STAU1: variants seen among roughly 807,000 people sequenced by gnomAD.
STAU1 encodes staufen double-stranded RNA binding protein 1, also known as double-stranded RNA-binding protein Staufen homolog 1.
STAU1 carries 13 observed loss-of-function variants against 62.9 expected under a neutral mutation model. That is an observed-to-expected ratio of 0.21 (90% CI 0.13 to 0.33). The LOEUF (loss-of-function observed/expected upper bound fraction) is 0.33, where lower values mean the gene tolerates loss of function less well. Among genes scored for constraint, STAU1 ranks in the 10% least tolerant of loss-of-function variants. STAU1 has a pLI of 1.00. For synonymous variants in STAU1, 269 were observed against 265.1 expected, an observed-to-expected ratio of 1.01 and a Z score of -0.14; for missense variants, 571 against 712.1, an observed-to-expected ratio of 0.80 and a Z score of 2.25.
At chr20:49,175,954 C>T (rs1407243411) in intron 1 of STAU1, among the ~76,000 whole-genome samples, 1 of 151,950 alleles carries the variant, frequency 6.6e-6, no homozygotes, top group African/African-American at 2.4e-5. Flanking sequence ...GCCACCTCGC[C>T]CGGCTAATTT....
the STAU1 span, among the ~76,000 whole-genome samples, chr20:49,219,007 C>A: frequency 8.4e-6 from 1 of 119,658 alleles, no homozygotes; most frequent in South Asian, 2.6e-4. Flanking sequence ...GAGCCAAACC[C>A]TGCCTCAAAA....
chr20:49,134,175 T>C (rs905812965), intron 6 of STAU1, among the ~76,000 whole-genome samples: 2 of 152,102 alleles, frequency 1.3e-5, no homozygotes, highest in African/African-American at 4.8e-5. Flanking sequence ...CTCACGCCTG[T>C]AATCCCAGCA....
chr20:49,183,054 G>T (rs2093746046), intron 1 of STAU1, among the ~76,000 whole-genome samples: 2 of 151,978 alleles, frequency 1.3e-5, no homozygotes, highest in South Asian at 4.1e-4. Flanking sequence ...ATATTTTTTG[G>T]AACAGCACAA....
chr20:49,208,957 A>T, the STAU1 span, among the ~76,000 whole-genome samples: 1 of 148,512 alleles, frequency 6.7e-6, no homozygotes, highest in African/African-American at 2.5e-5. Flanking sequence ...TTATTTAGAG[A>T]AAGTGTCTTA....
rs2092267585 is a variant in STAU1 at position 49,114,610 on chromosome 20, C to T, written c.*268G>A. 3 of 453,626 alleles carry T rather than the reference C, an allele frequency of 6.6e-6. No homozygotes were observed. The highest frequency in any genetic ancestry group is 8.0e-6 in the Non-Finnish European group (2 of 251,454). The allele number at this position is 453,626 out of a possible 1,614,324, so 28.1% of individuals were successfully genotyped here. The stretch of plus-strand genomic sequence containing the variant: ...CTGGTGTCCCGGGAGAACCAGCTGG[C>T]TGGGCAGCCCTTCTTCCCCACAGGC... On this transcript the variant is annotated 3_prime_UTR_variant, in exon 14 of 14. Coordinates refer to ENST00000371856, the MANE Select transcript of STAU1 (RefSeq NM_017453.4).
chr20:49,120,706 C>CG (rs1555834195), intron 8 of STAU1, among the ~76,000 whole-genome samples: 1 of 152,186 alleles, frequency 6.6e-6, no homozygotes, highest in Non-Finnish European at 1.5e-5. Context: ...AATATCTTCC[C>CG]GTCTTTGAAA....
the STAU1 span, among the ~76,000 whole-genome samples, chr20:49,197,466 A>C: frequency 1.4e-5 from 2 of 146,644 alleles, no homozygotes; most frequent in African/African-American, 5.1e-5. Context: ...CAGTGGCGCG[A>C]TCTCAGCTCA....
chr20:49,119,936 G>GT, intron 9 of STAU1, 46 bp downstream of exon 9: 1 of 1,596,412 alleles, frequency 6.3e-7, no homozygotes, highest in Non-Finnish European at 8.6e-7. Flanking sequence ...GTTCCCTAGG[G>GT]TGAGGCGAGA....
chr20:49,218,142 T>G, the STAU1 span, among the ~76,000 whole-genome samples: 1 of 151,862 alleles, frequency 6.6e-6, no homozygotes, highest in Non-Finnish European at 1.5e-5. Context: ...CCCAAAGTGC[T>G]GGGATTACAG....
chr20:49,119,881 G>C, intron 9 of STAU1, 101 bp downstream of exon 9: 1 of 1,400,732 alleles, frequency 7.1e-7, no homozygotes, highest in African/African-American at 1.4e-5. Flanking sequence ...TGAACTGTCA[G>C]GCAGATAAAG....
chr20:49,178,802 G>A (rs1165469842), intron 1 of STAU1, among the ~76,000 whole-genome samples: 2 of 136,108 alleles, frequency 1.5e-5, no homozygotes, highest in Non-Finnish European at 3.2e-5. Flanking sequence ...GGCCGGGCGC[G>A]GTGGCTCACG....
the STAU1 span, among the ~76,000 whole-genome samples, chr20:49,211,174 A>T: frequency 6.6e-6 from 1 of 152,212 alleles, no homozygotes; most frequent in East Asian, 1.9e-4. Flanking sequence ...TAACTGAATA[A>T]TATGCCATTA....
Position 49,166,145 on chromosome 20 carries a change from T to A in STAU1, c.57A>T (p.Gln19His). 6.2e-7 allele frequency: 1 copy of A among 1,614,146 alleles called. No homozygotes were observed. The highest frequency in any genetic ancestry group is 8.5e-7 in the Non-Finnish European group (1 of 1,180,038). ...QNPSAALSGS[Q>H]ILNKNQSLLS... ...GAAGAGACTGGTTCTTGTTCAGTAT[T>A]TGGCTCCCTGAGAGAGCAGCAGATG... Residue 19 changes from glutamine (Q) to histidine (H), a missense_variant, in exon 3 of 14, where the codon CAA becomes CAT. Gln to His is a conservative substitution (Grantham distance 24). This residue lies in a region of STAU1 where 414 missense variants were observed against 499.6 expected (regional missense o/e 0.83). Coordinates refer to ENST00000371856, the MANE Select transcript of STAU1 (RefSeq NM_017453.4).
At chr20:49,191,434 A>T (rs1010695116), upstream of STAU1, among the ~76,000 whole-genome samples, 1 of 152,162 alleles carries the variant, frequency 6.6e-6, no homozygotes, top group Non-Finnish European at 1.5e-5. Flanking sequence ...ATCAACTTCC[A>T]TGACAGCAGA....
intron 1 of STAU1, among the ~76,000 whole-genome samples, chr20:49,187,595 C>G (rs1365969102): frequency 6.6e-6 from 1 of 152,152 alleles, no homozygotes; most frequent in Non-Finnish European, 1.5e-5. Flanking sequence ...GAGGCAGGGA[C>G]GGTATTAGCA....
At chr20:49,122,474 C>A (rs934527856) in intron 8 of STAU1, among the ~76,000 whole-genome samples, 1 of 152,226 alleles carries the variant, frequency 6.6e-6, no homozygotes, top group Admixed American at 6.5e-5. Flanking sequence ...ACATTCCCAC[C>A]AGTGCACCCA....
chr20:49,175,662 T>G (rs996521135), intron 1 of STAU1, among the ~76,000 whole-genome samples: 3 of 150,562 alleles, frequency 2.0e-5, no homozygotes, highest in African/African-American at 7.3e-5. Flanking sequence ...TTATTTTTAT[T>G]TTTAGTAGAA....
At chr20:49,201,741 CA>C in the STAU1 span, among the ~76,000 whole-genome samples, 29,438 of 75,328 alleles carry the variant, frequency 0.39, 2,338 homozygotes, top group Middle Eastern at 0.5. Context: ...GACTCTGTCT[CA>C]AAAAAAAAAA....
At chr20:49,133,508 G>T (rs536501268) in intron 6 of STAU1, among the ~76,000 whole-genome samples, 2 of 152,182 alleles carry the variant, frequency 1.3e-5, no homozygotes, top group Non-Finnish European at 2.9e-5. Context: ...AGGTGCCGGG[G>T]GAGACCTCAT....
Sources: allele counts gnomAD v4.1 joint callset (sites outside exome capture counted in the v4.1 genomes callset), GRCh38; gene constraint gnomAD v4.1.1; regional missense constraint gnomAD v4.1.1; transcripts MANE v1.5; gene names NCBI Gene and HGNC (gene_info 2026-07-23, HGNC 2026-07-21).